Variants in ATP2C2 observed in about 807,000 individuals in gnomAD.
ATP2C2 encodes calcium-transporting ATPase type 2C member 2.
ATP2C2 carries 171 observed loss-of-function variants against 110.8 expected under a neutral mutation model. The ratio of observed to expected loss-of-function variants is 1.54; its 90% confidence interval spans 1.36 to 1.75. The LOEUF (loss-of-function observed/expected upper bound fraction) is 1.75. Ranked by LOEUF, ATP2C2 falls within the 40% of genes most tolerant of loss-of-function variation. The pLI is 0.00. For synonymous variants in ATP2C2, 804 were observed against 508.4 expected (o/e 1.58, Z -7.82); for missense variants, 1,963 against 1,235.0 (o/e 1.59, Z -8.84).
At chr16:84,452,464 A>G (rs534364620) in intron 18 of ATP2C2, among the ~76,000 whole-genome samples, 132 of 150,422 alleles carry the variant, frequency 8.8e-4, no homozygotes, top group African/African-American at 2.4e-3. Context: ...TCTCTTCATC[A>G]ATAGAGGGCT....
intron 16 of ATP2C2, 56 bp from the exon 17 acceptor site, chr16:84,448,477 C>G: frequency 6.5e-7 from 1 of 1,548,640 alleles, no homozygotes; most frequent in Non-Finnish European, 8.8e-7. Context: ...GGGTGATGGT[C>G]AGTATGAACC....
At chr16:84,410,830 CAA>C in intron 6 of ATP2C2, 65 bp downstream of exon 6, 1 of 1,486,038 alleles carries the variant, frequency 6.7e-7, no homozygotes, top group Non-Finnish European at 9.4e-7. Context: ...GAGAGTTTGG[CAA>C]ATGTTTGCTG....
At position 84,447,793 on chromosome 16, in the gene ATP2C2, AT is replaced by A. The variant is rs575136254; in HGVS notation, c.1504-739del. 6.0e-3 allele frequency among the ~76,000 whole-genome samples: 892 copies of A among 147,474 alleles called. 12 individuals carry two copies. The highest frequency in any genetic ancestry group is 0.02 in the African/African-American group (831 of 40,618). On this transcript the variant is annotated intron_variant, in intron 16 of 26. Transcript: ENST00000262429. Reference sequence around the variant, plus strand: ...ATATAATGTAATATAATACATATAAATAATATACAATACATATGTACTATAA... The same window carrying A: ...ATATAATGTAATATAATACATATAAAAATATACAATACATATGTACTATAA...
At chr16:84,462,245 A>T in intron 26 of ATP2C2, 116 bp downstream of exon 26, 1 of 1,376,770 alleles carries the variant, frequency 7.3e-7, no homozygotes, top group Non-Finnish European at 9.9e-7. Context: ...AGAGCTCACC[A>T]GGGGCCGGCT....
rs202116937 is a variant in ATP2C2, at chr16:84,461,780, G to C, written c.2548G>C (p.Asp850His). 28 of 1,614,034 alleles carry C rather than the reference G, an allele frequency of 1.7e-5. No homozygotes were observed. Among genetic ancestry groups the C allele is most frequent in the African/African-American group, 2.7e-5 (2 of 74,894 alleles). The change falls in exon 25 of 27, where the codon GAT becomes CAT. Residue 850 changes from aspartate to histidine, a missense_variant. Physicochemically the swap from Asp to His is moderately conservative, Grantham distance 81. Coordinates refer to ENST00000262429, the MANE Select transcript of ATP2C2 (RefSeq NM_014861.4). Reference sequence around the variant, plus strand: ...GACGTTCACTTGTTTTGTGTTTTTCGATCTCTTCAACGCCTTGACCTGCCG... The same window carrying C: ...GACGTTCACTTGTTTTGTGTTTTTCCATCTCTTCAACGCCTTGACCTGCCG... ...TMTFTCFVFF[D>H]LFNALTCRSQ...
intron 7 of ATP2C2, among the ~76,000 whole-genome samples, chr16:84,420,300 G>T (rs543514936): frequency 2.6e-5 from 4 of 152,150 alleles, no homozygotes; most frequent in Non-Finnish European, 5.9e-5. Context: ...GTGCCCAGAG[G>T]AGTCTCTGGC....
intron 23 of ATP2C2, 110 bp from the exon 24 acceptor site, chr16:84,460,544 G>GCCCTGC (rs758967764): frequency 1.5e-5 from 23 of 1,492,800 alleles, no homozygotes; most frequent in Non-Finnish European, 2.1e-5. Flanking sequence ...CAAATGCCTG[G>GCCCTGC]CCCTGCCCCC....
At position 84,413,696 on chromosome 16, in the gene ATP2C2, CAG is replaced by C. The variant is rs1422619326; in HGVS notation, c.516-1786_516-1785del. 2.6e-5 allele frequency among the ~76,000 whole-genome samples: 4 copies of C among 152,262 alleles called. No homozygotes were observed. The South Asian group carries it at 8.3e-4, about 32-fold the overall frequency. Reference sequence around the variant, plus strand: ...TATGTACAAAAGCAGCGGTGTCGGGCAGCCCAGTAGAGTTGAAAGAGCGCTGA... The same window carrying C: ...TATGTACAAAAGCAGCGGTGTCGGGCCCCAGTAGAGTTGAAAGAGCGCTGA... On this transcript the variant is annotated intron_variant, in intron 6 of 26. Transcript: ENST00000262429.
At chr16:84,414,942 G>T (rs553517169) in intron 6 of ATP2C2, among the ~76,000 whole-genome samples, 1 of 152,282 alleles carries the variant, frequency 6.6e-6, no homozygotes, top group African/African-American at 2.4e-5. Flanking sequence ...GGGCCAGGTC[G>T]GAGGTCAGAG....
chr16:84,428,624 C>A (rs1332368082), intron 11 of ATP2C2, among the ~76,000 whole-genome samples: 1 of 151,960 alleles, frequency 6.6e-6, no homozygotes, highest in Non-Finnish European at 1.5e-5. Context: ...ATCCTAAAAG[C>A]AAAATACAAA....
In ATP2C2 at chr16:84,454,987, A is replaced by T; in HGVS notation, c.2147+3A>T. ...GATGATGACTTCTCAGCCATCATGT[A>T]AGCTGCCCTTCTGGTTGTTTTTCAG... On this transcript the variant is annotated splice_donor_region_variant and intron_variant, in intron 21 of 26. Coordinates refer to ENST00000262429, the MANE Select transcript of ATP2C2 (RefSeq NM_014861.4). 6.2e-7 allele frequency: 1 copy of T among 1,608,672 alleles called. No individual in the cohort carries two copies. Among genetic ancestry groups the T allele is most frequent in the Non-Finnish European group, 8.5e-7 (1 of 1,177,218 alleles).
chr16:84,460,251 C>G (rs941949893), intron 23 of ATP2C2: 1 of 281,898 alleles, frequency 3.5e-6, no homozygotes, highest in African/African-American at 2.2e-5. Context: ...TAGCCTCAAC[C>G]CTGCTGTGTG....
At chr16:84,449,270 G>C (rs1486565689) in intron 17 of ATP2C2, among the ~76,000 whole-genome samples, 1 of 152,242 alleles carries the variant, frequency 6.6e-6, no homozygotes, top group Non-Finnish European at 1.5e-5. Flanking sequence ...CCCCTTCGGG[G>C]AACAGAGTTT....
chr16:84,392,850 T>C (rs957296245), intron 1 of ATP2C2, among the ~76,000 whole-genome samples: 1 of 152,172 alleles, frequency 6.6e-6, no homozygotes, highest in Non-Finnish European at 1.5e-5. Context: ...CATGTCCCCA[T>C]GGTGTCATTC....
In ATP2C2 at chr16:84,459,696, A is replaced by C; in HGVS notation, c.2333+310A>C. ...CCAGTCACCAGTCACTGCCTTCAGGAAGTCTTCCCTGATTGCACTCCCACT... is the reference window on the plus strand; with the variant it reads ...CCAGTCACCAGTCACTGCCTTCAGGCAGTCTTCCCTGATTGCACTCCCACT... On this transcript the variant is annotated intron_variant, in intron 23 of 26. Transcript: ENST00000262429. 8 of 1,071,066 alleles carry C rather than the reference A, an allele frequency of 7.5e-6. 1 individual carries two copies. The South Asian group carries it at 1.2e-4, about 16-fold the overall frequency. 66.3% of individuals were successfully genotyped at this position (1,071,066 alleles called of 1,614,324 possible). A position where few individuals can be genotyped will look rare whatever the true frequency, so the allele number is the denominator to read the frequency against.
At chr16:84,460,514 C>T (rs374192153) in intron 23 of ATP2C2, 140 bp from the exon 24 acceptor site, 25 of 1,188,994 alleles carry the variant, frequency 2.1e-5, no homozygotes, top group African/African-American at 1.0e-4. Flanking sequence ...AGGGCAGGTG[C>T]GATGCCTGGG....
At chr16:84,424,929 C>G (rs562366138) in intron 10 of ATP2C2, among the ~76,000 whole-genome samples, 19 of 152,146 alleles carry the variant, frequency 1.2e-4, no homozygotes, top group African/African-American at 4.3e-4. Context: ...CTCACTGCCT[C>G]ACCCCTATTT....
chr16:84,373,316 A>G (rs1370993041), intron 1 of ATP2C2, among the ~76,000 whole-genome samples: 6 of 152,092 alleles, frequency 3.9e-5, no homozygotes, highest in African/African-American at 1.4e-4. Context: ...CCTGGCCAAC[A>G]TGGCAAAACC....
intron 2 of ATP2C2, among the ~76,000 whole-genome samples, chr16:84,399,243 G>A (rs1287253160): frequency 6.6e-6 from 1 of 152,234 alleles, no homozygotes; most frequent in African/African-American, 2.4e-5. Context: ...ACAATTTCAG[G>A]AAGTTGGAAG....
Sources: gnomAD v4.1 joint callset for allele counts (sites outside exome capture counted in the v4.1 genomes callset) on GRCh38, gnomAD v4.1.1 for gene constraint, MANE v1.5 for transcripts, NCBI Gene and HGNC (gene_info 2026-07-23, HGNC 2026-07-21) for gene names.